The following ASTN2 variants were observed in gnomAD, a reference collection of about 807,000 sequenced individuals.
The protein encoded by ASTN2 is astrotactin 2, also known as astrotactin-2.
A neutral mutation model predicts 139.8 loss-of-function variants in ASTN2; 54 were observed. That is an observed-to-expected ratio of 0.39 (90% confidence interval 0.31 to 0.48). The LOEUF is 0.48. ASTN2 is among the 20% of genes least tolerant of loss of function. The pLI is 0.95. For synonymous variants in ASTN2, 756 were observed against 719.5 expected, an observed-to-expected ratio of 1.05 and a Z score of -0.81; for missense variants, 1,565 against 1,725.1, an observed-to-expected ratio of 0.91 and a Z score of 1.64.
At chr9:116,681,679 A>G (rs547004959) in intron 16 of ASTN2, among the ~76,000 whole-genome samples, 2 of 152,328 alleles carry the variant, frequency 1.3e-5, no homozygotes, top group South Asian at 4.1e-4. Flanking sequence ...AAACAGAGAT[A>G]TAGATCAATG....
intron 19 of ASTN2, among the ~76,000 whole-genome samples, chr9:116,536,110 C>T (rs1851613968): frequency 6.6e-6 from 1 of 151,904 alleles, no homozygotes; most frequent in African/African-American, 2.4e-5. Flanking sequence ...TTCATTTGAT[C>T]TTCAATCACT....
intron 4 of ASTN2, among the ~76,000 whole-genome samples, chr9:117,109,597 T>G (rs1188495875): frequency 6.6e-6 from 1 of 152,106 alleles, no homozygotes; most frequent in Non-Finnish European, 1.5e-5. Context: ...TATTCTCCCT[T>G]TCTTAGTTTT....
intron 13 of ASTN2, among the ~76,000 whole-genome samples, chr9:116,734,806 C>T (rs2132128576): frequency 6.6e-6 from 1 of 152,270 alleles, no homozygotes; most frequent in Non-Finnish European, 1.5e-5. Context: ...GCACCCCACT[C>T]CAGGCACCTT....
chr9:116,798,778 G>A (rs1202546605), intron 13 of ASTN2, among the ~76,000 whole-genome samples: 3 of 152,194 alleles, frequency 2.0e-5, no homozygotes, highest in Non-Finnish European at 4.4e-5. Flanking sequence ...GCACAGAAAG[G>A]TGATTCTTCT....
chr9:116,825,759 C>A (rs1045447843), intron 11 of ASTN2, among the ~76,000 whole-genome samples: 4 of 152,206 alleles, frequency 2.6e-5, no homozygotes, highest in Non-Finnish European at 5.9e-5. Flanking sequence ...CCTACTGGGG[C>A]CTTTGGCCTG....
chr9:116,948,794 T>TTTTGTTTTTTTTTTTTTG lies in ASTN2; in HGVS notation c.1889+26413_1889+26414insCAAAAAAAAAAAAACAAA, dbSNP rs1554764213. ...AGAGAAATAATTTGGTGTTTTTTTTTTTTTTTTTTTTTTTTTGAGAAGGAG... is the reference window on the plus strand; with the variant it reads ...AGAGAAATAATTTGGTGTTTTTTTTTTTTGTTTTTTTTTTTTTGTTTTTTTTTTTTTTTTGAGAAGGAG... On this transcript the variant is annotated intron_variant, in intron 10 of 22. Transcript: ENST00000313400. Among the ~76,000 whole-genome samples, 3 of 120,412 alleles carry TTTTGTTTTTTTTTTTTTG rather than the reference T, an allele frequency of 2.5e-5. 1 individual carries two copies. The highest frequency in any genetic ancestry group is 1.0e-4 in the African/African-American group (3 of 28,704). The allele number at this position is 120,412 out of a possible 152,430, so 79.0% of individuals were successfully genotyped here. A position where few individuals can be genotyped will look rare whatever the true frequency, so the allele number is the denominator to read the frequency against.
chr9:116,471,075 G>A (rs1159219161), intron 20 of ASTN2, among the ~76,000 whole-genome samples: 2 of 152,080 alleles, frequency 1.3e-5, no homozygotes, highest in Non-Finnish European at 2.9e-5. Context: ...CTGTGTAGAA[G>A]CCAGCAAAAT....
chr9:117,280,949 A>G (rs1353097748), intron 2 of ASTN2, among the ~76,000 whole-genome samples: 1 of 152,008 alleles, frequency 6.6e-6, no homozygotes, highest in Non-Finnish European at 1.5e-5. Flanking sequence ...CCTAATGGTG[A>G]TTTTCTGTTT....
At chr9:116,872,787 C>T (rs1833200693) in intron 10 of ASTN2, among the ~76,000 whole-genome samples, 1 of 152,036 alleles carries the variant, frequency 6.6e-6, no homozygotes, top group African/African-American at 2.4e-5. Flanking sequence ...AAAGAATATG[C>T]TAAGGCCTAG....
Position 117,404,508 on chromosome 9 carries a change from T to TA in ASTN2, c.442+9988dup, listed in dbSNP as rs1830925158. Among the ~76,000 whole-genome samples the TA allele has an allele frequency of 2.0e-5, 3 of 152,312 alleles. No homozygotes were observed. The South Asian group carries it at 6.2e-4, about 32-fold the overall frequency. ...ACCTCATTCTAATAATCTAGAAGGA[T>TA]ACACTATATATTTGGATTTATATAG... On this transcript the variant is annotated intron_variant, in intron 1 of 22. Coordinates refer to ENST00000313400, the MANE Select transcript of ASTN2 (RefSeq NM_001365068.1).
At chr9:117,402,834 A>G (rs1830874222) in intron 1 of ASTN2, among the ~76,000 whole-genome samples, 1 of 152,002 alleles carries the variant, frequency 6.6e-6, no homozygotes, top group Admixed American at 6.6e-5. Flanking sequence ...GGAAAAGAAA[A>G]CCTAAGCCCA....
rs151242658 is a variant in ASTN2 at position 117,204,303 on chromosome 9, C to A, written c.1015+10055G>T. 8.5e-3 allele frequency among the ~76,000 whole-genome samples: 1,289 copies of A among 152,266 alleles called. 24 individuals carry two copies. The highest frequency in any genetic ancestry group is 0.03 in the African/African-American group (1,231 of 41,556). ...GGAACTCCTGGCCTCATGTGATCCA[C>A]CTGCCTCAGCCTCCCAAAGGCTGAG... On this transcript the variant is annotated intron_variant, in intron 3 of 22. Coordinates refer to ENST00000313400, the MANE Select transcript of ASTN2 (RefSeq NM_001365068.1).
intron 11 of ASTN2, among the ~76,000 whole-genome samples, chr9:116,855,220 C>A (rs538533728): frequency 6.6e-6 from 1 of 152,276 alleles, no homozygotes; most frequent in African/African-American, 2.4e-5. Context: ...GAATGCCACA[C>A]ACAATAATCT....
chr9:116,826,670 G>A (rs1268856659), intron 11 of ASTN2, among the ~76,000 whole-genome samples: 2 of 151,890 alleles, frequency 1.3e-5, no homozygotes, highest in Non-Finnish European at 2.9e-5. Flanking sequence ...CATACATCAG[G>A]CCCACTGCTC....
chr9:117,334,449 AC>A (rs1219894130), intron 1 of ASTN2, among the ~76,000 whole-genome samples: 4 of 151,184 alleles, frequency 2.6e-5, no homozygotes, highest in African/African-American at 9.7e-5. Context: ...CCTCAGGGTC[AC>A]TGTAAGGATT....
intron 13 of ASTN2, among the ~76,000 whole-genome samples, chr9:116,774,971 GGTCTGGAGACACCTCAGT>G (rs1160137742): frequency 6.6e-6 from 1 of 152,178 alleles, no homozygotes; most frequent in Non-Finnish European, 1.5e-5. Context: ...CTAGCTGTTT[GGTCTGGAGACACCTCAGT>G]GCCTGCGTCA....
intron 1 of ASTN2, among the ~76,000 whole-genome samples, chr9:117,395,365 G>T (rs775792636): frequency 2.0e-5 from 3 of 152,142 alleles, no homozygotes; most frequent in Non-Finnish European, 2.9e-5. Flanking sequence ...ACATGCTGGG[G>T]AAGTCAAAAC....
At chr9:116,435,121 G>T (rs1311119298) in intron 22 of ASTN2, among the ~76,000 whole-genome samples, 1 of 152,132 alleles carries the variant, frequency 6.6e-6, no homozygotes, top group Non-Finnish European at 1.5e-5. Context: ...TCTGTTCTCT[G>T]GTCTCTATGA....
At chr9:116,569,191 C>G (rs558408832) in intron 19 of ASTN2, among the ~76,000 whole-genome samples, 3 of 152,134 alleles carry the variant, frequency 2.0e-5, no homozygotes, top group East Asian at 1.9e-4. Flanking sequence ...AAGAATCAGA[C>G]GGGCCTCGTT....
Sources: gnomAD v4.1 joint callset for allele counts (sites outside exome capture counted in the v4.1 genomes callset) on GRCh38, gnomAD v4.1.1 for gene constraint, MANE v1.5 for transcripts, NCBI Gene and HGNC (gene_info 2026-07-23, HGNC 2026-07-21) for gene names.